VIL1: variants seen among roughly 807,000 people sequenced by gnomAD.
VIL1 encodes the protein villin 1, also known as villin-1.
VIL1 carries 86 observed loss-of-function variants against 104.0 expected under a neutral mutation model. That is an observed-to-expected ratio of 0.83 (90% CI 0.69 to 0.99). The LOEUF (loss-of-function observed/expected upper bound fraction) is 0.99. Ranked by LOEUF, VIL1 falls within the 50% of genes least tolerant of loss-of-function variation. VIL1 has a pLI of 0.00. For missense variants in VIL1, 944 were observed against 1,054.1 expected, an observed-to-expected ratio of 0.90 and a Z score of 1.45; for synonymous variants, 394 against 412.6, an observed-to-expected ratio of 0.95 and a Z score of 0.55.
chr2:218,424,032 A>C (rs1688937006), intron 2 of VIL1, among the ~76,000 whole-genome samples, 179 bp downstream of exon 2: 4 of 149,668 alleles, frequency 2.7e-5, no homozygotes, highest in African/African-American at 7.4e-5. Flanking sequence ...CCCTTTCTCC[A>C]TTTCTTCTCC....
Position 218,432,160 on chromosome 2 carries a change from C to T in VIL1, c.1318C>T (p.His440Tyr). 9.3e-6 allele frequency: 15 copies of T among 1,613,706 alleles called. No homozygotes were observed. Among genetic ancestry groups the T allele is most frequent in the Non-Finnish European group, 1.2e-5 (14 of 1,179,908 alleles). ...CACCTACCTCATCGGCGAGAAGCAGCATTACCTGCTCTACGTTTGGCAGGT... is the reference window on the plus strand; with the variant it reads ...CACCTACCTCATCGGCGAGAAGCAGTATTACCTGCTCTACGTTTGGCAGGT... ...LYTYLIGEKQ[H>Y]YLLYVWQGSQ... The change falls in exon 12 of 20, where the codon CAT becomes TAT. Residue 440 changes from histidine (H) to tyrosine (Y), a missense_variant. His to Tyr is a moderately conservative substitution (Grantham distance 83). Transcript: ENST00000248444.
chr2:218,433,184 C>G (rs1689129453), intron 13 of VIL1, among the ~76,000 whole-genome samples: 1 of 152,190 alleles, frequency 6.6e-6, no homozygotes, highest in Non-Finnish European at 1.5e-5. Context: ...GCCTGCAATC[C>G]CAGCACTTTG....
In VIL1 at chr2:218,429,345, G is replaced by A. The variant is rs750693865; in HGVS notation, c.628G>A (p.Val210Met). The A allele has an allele frequency of 2.7e-5, 44 of 1,614,022 alleles. No individual in the cohort carries two copies. The highest frequency in any genetic ancestry group is 4.5e-5 in the East Asian group (2 of 44,898). ...QERGGRTYVG[V>M]VDGENELASP... is the part of the protein sequence containing the mutation. ...GCGGGGAGGGCGCACCTATGTAGGCGTGGTGGACGGAGAGAATGAATTGGC... is the reference window on the plus strand; with the variant it reads ...GCGGGGAGGGCGCACCTATGTAGGCATGGTGGACGGAGAGAATGAATTGGC... Residue 210 changes from valine to methionine, a missense_variant, in exon 7 of 20, where the codon GTG (valine) becomes ATG (methionine). By Grantham distance (21) the Val-to-Met change is conservative (BLOSUM62 1). Transcript: ENST00000248444.
At chr2:218,428,436 T>A in intron 6 of VIL1, 99 bp downstream of exon 6, 1 of 1,032,106 alleles carries the variant, frequency 9.7e-7, no homozygotes, top group Non-Finnish European at 1.5e-6. Context: ...GGGGACAGCA[T>A]GTTTGAAGGT....
intron 19 of VIL1, among the ~76,000 whole-genome samples, chr2:218,442,036 TGGAA>T (rs1176803129): frequency 6.6e-6 from 1 of 151,998 alleles, no homozygotes; most frequent in Non-Finnish European, 1.5e-5. Context: ...AACAATAGCC[TGGAA>T]GGTGGCAAGA....
At chr2:218,440,596 G>C in intron 18 of VIL1, 126 bp from the exon 19 acceptor site, 1 of 1,116,598 alleles carries the variant, frequency 9.0e-7, no homozygotes, top group Non-Finnish European at 1.3e-6. Context: ...GTGTGTGTGT[G>C]GCAGGGTGGG....
chr2:218,439,330 T>C (rs745374242), intron 18 of VIL1, among the ~76,000 whole-genome samples: 178 of 152,254 alleles, frequency 1.2e-3, no homozygotes, highest in South Asian at 2.5e-3. Flanking sequence ...CATTCCCAAA[T>C]ATTCTGGTTT....
chr2:218,446,081 T>C (rs930714509), intron 19 of VIL1, among the ~76,000 whole-genome samples: 13 of 152,198 alleles, frequency 8.5e-5, no homozygotes, highest in Non-Finnish European at 1.8e-4. Flanking sequence ...AATTTGATCT[T>C]TGGCCTTCCT....
At chr2:218,446,151 C>T (rs1173351093) in intron 19 of VIL1, among the ~76,000 whole-genome samples, 3 of 152,186 alleles carry the variant, frequency 2.0e-5, no homozygotes, top group African/African-American at 4.8e-5. Context: ...GCTACCCTCC[C>T]GCTCTAAGCA....
rs1479544568 is a variant in VIL1, at chr2:218,430,896, G to T, written c.1102+18G>T. The T allele has an allele frequency of 6.2e-7, 1 of 1,605,076 alleles. No individual in the cohort carries two copies. The highest frequency in any genetic ancestry group is 8.5e-7 in the Non-Finnish European group (1 of 1,175,840). Reference sequence around the variant, plus strand: ...CTCCGTGGGTGAGGGCCAGGCGGGGGCAGTGAGGGAGCCAGGATCCAGGAG... The same window carrying T: ...CTCCGTGGGTGAGGGCCAGGCGGGGTCAGTGAGGGAGCCAGGATCCAGGAG... On this transcript the variant is annotated intron_variant, in intron 10 of 19. Coordinates refer to ENST00000248444, the MANE Select transcript of VIL1 (RefSeq NM_007127.3).
At position 218,440,835 on chromosome 2, in the gene VIL1, C is replaced by T. The variant is rs376830992; in HGVS notation, c.2343C>T (p.Pro781=). Residue 781 remains proline, a synonymous_variant, in exon 19 of 20, where the codon CCC becomes CCT. Transcript: ENST00000248444. ...TGAACAAGCCTGTAGAGGAGCTCCCCGAGGGTGTGGACCCCAGCAGGAAGG... is the reference window on the plus strand; with the variant it reads ...TGAACAAGCCTGTAGAGGAGCTCCCTGAGGGTGTGGACCCCAGCAGGAAGG... ...QLVNKPVEEL[P]EGVDPSRKEE... 1.9e-5 allele frequency: 31 copies of T among 1,613,974 alleles called. No homozygotes were observed. Among genetic ancestry groups the T allele is most frequent in the Admixed American group, 1.0e-4 (6 of 59,984 alleles).
rs1689445817 is a variant in VIL1, at chr2:218,450,166, CAGA to C, written c.*833_*835del. 1 of 152,190 alleles carries C rather than the reference CAGA, an allele frequency of 6.6e-6. No homozygotes were observed. Among genetic ancestry groups the C allele is most frequent in the African/African-American group, 2.4e-5 (1 of 41,448 alleles). 9.4% of individuals were successfully genotyped at this position (152,190 alleles called of 1,614,324 possible). A position where few individuals can be genotyped will look rare whatever the true frequency, so the allele number is the denominator to read the frequency against. On this transcript the variant is annotated 3_prime_UTR_variant, in exon 20 of 20. Transcript: ENST00000248444. ...AAGGAAGTCCATGTCAGAAAGCCAA[CAGA>C]AGGTGATTTCCACAACTTTGAACAG...
chr2:218,436,984 T>C lies in VIL1; in HGVS notation c.1972-140T>C, dbSNP rs984402489. ...TCCCAGATACAAATTCAAGGCCAGATGATGCCTGCCCTAGGTCATTTGGCT... is the reference window on the plus strand; with the variant it reads ...TCCCAGATACAAATTCAAGGCCAGACGATGCCTGCCCTAGGTCATTTGGCT... On this transcript the variant is annotated intron_variant, in intron 16 of 19. Transcript: ENST00000248444. The C allele has an allele frequency of 1.4e-5, 14 of 1,012,362 alleles. No homozygotes were observed. The Admixed American group carries it at 2.0e-4, about 14-fold the overall frequency. 62.7% of individuals were successfully genotyped at this position (1,012,362 alleles called of 1,614,324 possible). A position where few individuals can be genotyped will look rare whatever the true frequency, so the allele number is the denominator to read the frequency against.
chr2:218,429,770 G>C, intron 8 of VIL1, 79 bp from the exon 9 acceptor site: 1 of 1,591,698 alleles, frequency 6.3e-7, no homozygotes, highest in South Asian at 1.1e-5. Context: ...GGCCTGGGAG[G>C]GAGAGACTTT....
At chr2:218,441,438 T>A (rs1689283135) in intron 19 of VIL1, among the ~76,000 whole-genome samples, 1 of 151,720 alleles carries the variant, frequency 6.6e-6, no homozygotes, top group South Asian at 2.1e-4. Context: ...ATTTAGAGAT[T>A]TCTTTCTGAA....
In VIL1 at chr2:218,438,951, G is replaced by A. The variant is rs529384594; in HGVS notation, c.2229+225G>A. ...ATTTTTTTTTTTTTTTTTTTTTTGA[G>A]ACACAGTTTCACTCTGCCTCCCAGG... On this transcript the variant is annotated intron_variant, in intron 18 of 19. Coordinates refer to ENST00000248444, the MANE Select transcript of VIL1 (RefSeq NM_007127.3). Among the ~76,000 whole-genome samples the A allele has an allele frequency of 8.5e-5, 8 of 93,840 alleles. 1 individual carries two copies. The East Asian group carries it at 3.1e-3, about 37-fold the overall frequency. 61.6% of individuals were successfully genotyped at this position (93,840 alleles called of 152,430 possible).
At chr2:218,440,337 T>C (rs1420842762) in intron 18 of VIL1, among the ~76,000 whole-genome samples, 1 of 152,192 alleles carries the variant, frequency 6.6e-6, no homozygotes, top group East Asian at 1.9e-4. Flanking sequence ...TGGCGCAATC[T>C]CAGCTCACTG....
At chr2:218,449,161 T>C (rs1247359895) in intron 19 of VIL1, 62 bp from the exon 20 acceptor site, 17 of 1,245,794 alleles carry the variant, frequency 1.4e-5, no homozygotes, top group Admixed American at 1.2e-4. Context: ...AAACGGTGCC[T>C]GAGGGTGAGG....
intron 12 of VIL1, 21 bp downstream of exon 12, chr2:218,432,204 A>T (rs1411233664): frequency 6.2e-7 from 1 of 1,607,214 alleles, no homozygotes; most frequent in Admixed American, 1.7e-5. Flanking sequence ...GCCACGTCCC[A>T]CCCAGAGCAC....
Sources: allele counts gnomAD v4.1 joint callset (sites outside exome capture counted in the v4.1 genomes callset), GRCh38; gene constraint gnomAD v4.1.1; transcripts MANE v1.5; gene names NCBI Gene and HGNC (gene_info 2026-07-23, HGNC 2026-07-21).